CHLSN: variants seen among roughly 807,000 people sequenced by gnomAD.
CHLSN encodes the protein cholesin.
the CHLSN span, among the ~76,000 whole-genome samples, chr7:1,008,774 ACG>A: frequency 2.6e-5 from 4 of 151,994 alleles, no homozygotes; most frequent in African/African-American, 7.3e-5. Flanking sequence ...ATAAACACAC[ACG>A]CACACACGCA....
chr7:1,041,235 CGGGGAAGGGGACCTGGGCTCCGCGCT>C, the CHLSN span, among the ~76,000 whole-genome samples: 3 of 145,526 alleles, frequency 2.1e-5, no homozygotes, highest in South Asian at 2.2e-4. Context: ...CTCCGCGCTG[CGGGGAAGGGGACCTGGGCTCCGCGCT>C]GCGGGGAAGG....
the CHLSN span, chr7:986,850 C>A: frequency 2.1e-6 from 3 of 1,450,214 alleles, no homozygotes; most frequent in Admixed American, 5.3e-5. Flanking sequence ...CTGAGGGACA[C>A]CCCAGGGGAG....
chr7:1,021,332 G>C, the CHLSN span: 1 of 970,092 alleles, frequency 1.0e-6, no homozygotes, highest in African/African-American at 1.8e-5. Context: ...TTCCCCAGAA[G>C]CCTTTTCATC....
the CHLSN span, chr7:987,640 G>A: frequency 5.4e-6 from 6 of 1,115,504 alleles, no homozygotes; most frequent in African/African-American, 3.2e-5. Flanking sequence ...ATGGCCCAGC[G>A]CTCCCCGACC....
At chr7:1,055,579 A>T in the CHLSN span, 3 of 382,178 alleles carry the variant, frequency 7.8e-6, no homozygotes, top group African/African-American at 4.2e-5. Flanking sequence ...TGTGCAGCAC[A>T]GGTGGGAGAG....
the CHLSN span, among the ~76,000 whole-genome samples, chr7:1,125,713 C>T: frequency 2.6e-5 from 4 of 152,372 alleles, no homozygotes; most frequent in Non-Finnish European, 1.5e-5. Context: ...TGGAAACCCG[C>T]TTTCTCTCGA....
the CHLSN span, among the ~76,000 whole-genome samples, chr7:996,124 G>A: frequency 6.6e-6 from 1 of 152,258 alleles, no homozygotes; most frequent in African/African-American, 2.4e-5. Flanking sequence ...AGTGAGGCCA[G>A]TCACCGCTCT....
At chr7:1,029,529 C>A in the CHLSN span, among the ~76,000 whole-genome samples, 2 of 152,266 alleles carry the variant, frequency 1.3e-5, no homozygotes, top group Non-Finnish European at 2.9e-5. Flanking sequence ...TCCTAAAGCA[C>A]TGACTGGGAT....
chr7:997,534 T>G, the CHLSN span: 1 of 1,188,584 alleles, frequency 8.4e-7, no homozygotes, highest in Non-Finnish European at 1.1e-6. Flanking sequence ...GCCCTGCTGG[T>G]GAACCCGGCC....
the CHLSN span, among the ~76,000 whole-genome samples, chr7:1,079,928 T>C: frequency 4.6e-5 from 7 of 151,608 alleles, no homozygotes; most frequent in South Asian, 1.3e-3. Flanking sequence ...CTTTGGGGAG[T>C]TCCCCCAGGC....
At chr7:994,798 C>G in the CHLSN span, among the ~76,000 whole-genome samples, 1 of 152,254 alleles carries the variant, frequency 6.6e-6, no homozygotes, top group Non-Finnish European at 1.5e-5. Context: ...ATATCTACTG[C>G]AGGGGACATT....
chr7:1,009,525 C>A, the CHLSN span, among the ~76,000 whole-genome samples: 6 of 152,292 alleles, frequency 3.9e-5, no homozygotes, highest in East Asian at 1.2e-3. Context: ...TGCCCAGCAC[C>A]CCACAATCCC....
the CHLSN span, among the ~76,000 whole-genome samples, chr7:1,008,737 CAT>C: frequency 3.3e-5 from 5 of 152,162 alleles, no homozygotes; most frequent in African/African-American, 9.7e-5. Flanking sequence ...ACACAACACA[CAT>C]GTCCACACAT....
chr7:1,054,444 G>A, the CHLSN span, among the ~76,000 whole-genome samples: 60 of 152,356 alleles, frequency 3.9e-4, no homozygotes, highest in African/African-American at 1.2e-3. Flanking sequence ...CCTGGAGGCC[G>A]GCGTTCCCAG....
chr7:1,046,042 T>C, the CHLSN span, among the ~76,000 whole-genome samples: 1 of 152,180 alleles, frequency 6.6e-6, no homozygotes, highest in Admixed American at 6.5e-5. Context: ...GCGCACCTCA[T>C]GTGGGTCTTA....
At chr7:1,084,740 G>A in the CHLSN span, among the ~76,000 whole-genome samples, 1 of 152,260 alleles carries the variant, frequency 6.6e-6, no homozygotes, top group Non-Finnish European at 1.5e-5. Context: ...GCTCAGGAAG[G>A]TTAGAGACGT....
the CHLSN span, among the ~76,000 whole-genome samples, chr7:1,010,491 C>T: frequency 0.022 from 3,425 of 152,304 alleles, 129 homozygotes; most frequent in East Asian, 0.19. Context: ...CCGGGCCGGC[C>T]CCCAGGGAGG....
the CHLSN span, among the ~76,000 whole-genome samples, chr7:1,033,443 A>G: frequency 1.8e-3 from 268 of 152,236 alleles, 1 homozygote; most frequent in African/African-American, 6.3e-3. Context: ...CTGTAATCCC[A>G]GCTGCTCAGG....
the CHLSN span, among the ~76,000 whole-genome samples, chr7:1,040,253 G>C: frequency 2.6e-5 from 4 of 151,330 alleles, no homozygotes; most frequent in African/African-American, 9.7e-5. Context: ...CTGCTTGGGA[G>C]GCTGAGGTGG....
Sources: allele counts gnomAD v4.1 joint callset (sites outside exome capture counted in the v4.1 genomes callset), GRCh38; gene constraint gnomAD v4.1.1; transcripts MANE v1.5; gene names NCBI Gene and HGNC (gene_info 2026-07-23, HGNC 2026-07-21).